Variants in CCDC192 observed in about 807,000 individuals in gnomAD.
The protein encoded by CCDC192 is coiled-coil domain containing 192.
intron 2 of CCDC192, among the ~76,000 whole-genome samples, chr5:127,752,536 T>G (rs1754260456): frequency 1.3e-5 from 2 of 152,232 alleles, no homozygotes; most frequent in African/African-American, 4.8e-5. Flanking sequence ...CAGGGACATT[T>G]AAGTCTGCAG....
At chr5:127,766,638 C>T (rs1274731276) in intron 3 of CCDC192, among the ~76,000 whole-genome samples, 4 of 135,608 alleles carry the variant, frequency 2.9e-5, no homozygotes, top group South Asian at 5.0e-4. Flanking sequence ...AAAAAAAGTA[C>T]GAACTCTAAA....
At chr5:127,862,889 G>GT (rs1309918805) in intron 5 of CCDC192, among the ~76,000 whole-genome samples, 2 of 144,712 alleles carry the variant, frequency 1.4e-5, no homozygotes, top group South Asian at 2.2e-4. Flanking sequence ...TAAAAGCATT[G>GT]TAAGTCACAG....
At chr5:127,899,029 A>G (rs1003127070) in intron 6 of CCDC192, among the ~76,000 whole-genome samples, 1 of 152,186 alleles carries the variant, frequency 6.6e-6, no homozygotes, top group African/African-American at 2.4e-5. Flanking sequence ...CTGTTTAGGA[A>G]GAAAATACAT....
At chr5:127,870,518 G>T (rs997887088) in intron 5 of CCDC192, among the ~76,000 whole-genome samples, 4 of 152,220 alleles carry the variant, frequency 2.6e-5, no homozygotes, top group Non-Finnish European at 5.9e-5. Flanking sequence ...CCATTTAGCT[G>T]TCTACTCACT....
chr5:127,789,092 T>G (rs1190128681), intron 3 of CCDC192, among the ~76,000 whole-genome samples: 1 of 152,230 alleles, frequency 6.6e-6, no homozygotes, highest in Non-Finnish European at 1.5e-5. Context: ...TCCAGAATTG[T>G]AAGAAATATT....
rs76085556 is a variant in CCDC192, at chr5:127,917,194, C to G, written c.536-23988C>G. Among the ~76,000 whole-genome samples the G allele has an allele frequency of 9.1e-3, 1,393 of 152,356 alleles. 24 individuals carry two copies. The highest frequency in any genetic ancestry group is 0.031 in the African/African-American group (1,280 of 41,582). ...ACTTCAGCTTCCTCACCTCTCTCAG[C>G]CTTCATTGAATTGAAGAGTCAGGGC... On this transcript the variant is annotated intron_variant, in intron 6 of 6. Transcript: ENST00000514853.
chr5:127,754,472 TACACACACACACACACACACATAC>T (rs137952226), intron 3 of CCDC192, 97 bp downstream of exon 3: 3 of 327,122 alleles, frequency 9.2e-6, no homozygotes, highest in Admixed American at 5.2e-5. Flanking sequence ...CCTCTACTGA[TACACACACACACACACACACATAC>T]ACACACACAC....
chr5:127,772,431 C>T (rs1477107273), intron 3 of CCDC192, among the ~76,000 whole-genome samples: 1 of 145,350 alleles, frequency 6.9e-6, no homozygotes, highest in Admixed American at 7.0e-5. Context: ...CACACCACTG[C>T]ATTTTAGCCT....
chr5:127,753,201 C>T (rs961958832), intron 2 of CCDC192, among the ~76,000 whole-genome samples: 1 of 152,182 alleles, frequency 6.6e-6, no homozygotes, highest in Non-Finnish European at 1.5e-5. Flanking sequence ...GAAAACAGGA[C>T]ACACCCACAG....
chr5:127,798,337 A>AT (rs1296748004), intron 5 of CCDC192, among the ~76,000 whole-genome samples, 175 bp downstream of exon 5: 3 of 152,284 alleles, frequency 2.0e-5, no homozygotes, highest in Middle Eastern at 3.4e-3. Flanking sequence ...TAAAATTCTG[A>AT]TTTTTGTGGA....
Position 127,797,762 on chromosome 5 carries a change from TATATA to T in CCDC192, c.355-343_355-339del, listed in dbSNP as rs1561494163. Reference sequence around the variant, plus strand: ...ATATATATATATATATATATATATATATATATATATATATATTTATTTATTTATTT... The same window carrying T: ...ATATATATATATATATATATATATATTATATATATATTTATTTATTTATTT... On this transcript the variant is annotated intron_variant, in intron 4 of 6. Coordinates refer to ENST00000514853, the MANE Select transcript of CCDC192 (RefSeq NM_001317938.2). Among the ~76,000 whole-genome samples the T allele has an allele frequency of 1.6e-3, 44 of 26,856 alleles. 2 individuals carry two copies. Among genetic ancestry groups the T allele is most frequent in the African/African-American group, 3.1e-3 (44 of 14,122 alleles). 17.6% of individuals were successfully genotyped at this position (26,856 alleles called of 152,430 possible).
intron 3 of CCDC192, among the ~76,000 whole-genome samples, chr5:127,793,119 A>G (rs1055998203): frequency 1.3e-5 from 2 of 152,230 alleles, no homozygotes; most frequent in Admixed American, 6.5e-5. Context: ...AAATATGTAC[A>G]TATACTTTCT....
chr5:127,820,310 G>A (rs989345401), intron 5 of CCDC192, among the ~76,000 whole-genome samples: 11 of 152,330 alleles, frequency 7.2e-5, no homozygotes, highest in African/African-American at 2.4e-4. Flanking sequence ...GGCTGGGTGT[G>A]GTGGCTCACG....
At chr5:127,776,976 G>T (rs1391053743) in intron 3 of CCDC192, among the ~76,000 whole-genome samples, 3 of 152,234 alleles carry the variant, frequency 2.0e-5, no homozygotes, top group Non-Finnish European at 4.4e-5. Flanking sequence ...CCTCTGCTAG[G>T]ACAGCACAGA....
Position 127,719,706 on chromosome 5 carries a change from G to T in CCDC192, c.114+11946G>T, listed in dbSNP as rs190409588. ...GGGTAATTTATAAAGAAAAGAGGATGAACTGGCTCAGGGTTCTGCTCATGG... is the reference window on the plus strand; with the variant it reads ...GGGTAATTTATAAAGAAAAGAGGATTAACTGGCTCAGGGTTCTGCTCATGG... On this transcript the variant is annotated intron_variant, in intron 2 of 6. Transcript: ENST00000514853. Among the ~76,000 whole-genome samples the T allele has an allele frequency of 1.1e-4, 17 of 151,402 alleles. No homozygotes were observed. In the East Asian group the frequency reaches 3.3e-3, roughly 30 times the overall value.
intron 3 of CCDC192, among the ~76,000 whole-genome samples, chr5:127,792,416 C>T (rs536383724): frequency 6.6e-6 from 1 of 151,768 alleles, no homozygotes; most frequent in African/African-American, 2.4e-5. Flanking sequence ...GGTAACCATC[C>T]CATGATTCAA....
intron 5 of CCDC192, among the ~76,000 whole-genome samples, chr5:127,866,538 C>G (rs775386520): frequency 4.7e-5 from 7 of 149,956 alleles, no homozygotes; most frequent in Non-Finnish European, 4.4e-5. Context: ...ATATAATATT[C>G]AACTTACAGA....
At chr5:127,854,080 A>G (rs1750939995) in intron 5 of CCDC192, among the ~76,000 whole-genome samples, 1 of 152,120 alleles carries the variant, frequency 6.6e-6, no homozygotes, top group African/African-American at 2.4e-5. Context: ...CCTTCTAGAA[A>G]CACTATTCCT....
intron 6 of CCDC192, among the ~76,000 whole-genome samples, chr5:127,915,942 G>T (rs1753509065): frequency 6.6e-6 from 1 of 152,222 alleles, no homozygotes; most frequent in African/African-American, 2.4e-5. Flanking sequence ...AATAAAGTTA[G>T]CTGCATTGAT....
Sources: allele counts gnomAD v4.1 joint callset (sites outside exome capture counted in the v4.1 genomes callset), GRCh38; gene constraint gnomAD v4.1.1; transcripts MANE v1.5; gene names NCBI Gene and HGNC (gene_info 2026-07-23, HGNC 2026-07-21).